The following NPTN variants were observed in gnomAD, a reference collection of about 807,000 sequenced individuals.
NPTN encodes the protein neuroplastin.
Under a neutral mutation model 42.7 loss-of-function variants are expected in NPTN, and 5 were observed. The observed-to-expected ratio is 0.12, with a 90% CI of 0.06 to 0.25. The LOEUF is 0.25. Ranked by LOEUF, NPTN falls within the 10% of genes least tolerant of loss-of-function variation. The pLI, the probability that NPTN is intolerant of heterozygous loss-of-function variation, is 1.00. For synonymous variants in NPTN, 180 were observed against 201.9 expected (o/e 0.89, Z 0.92); for missense variants, 307 against 525.4 (o/e 0.58, Z 4.06).
chr15:73,565,954 G>C (rs1201268182), intron 6 of NPTN, among the ~76,000 whole-genome samples: 1 of 152,184 alleles, frequency 6.6e-6, no homozygotes, highest in African/African-American at 2.4e-5. Context: ...TCCGAATAAT[G>C]AAGAGTTGAC....
chr15:73,578,722 A>AGTGGCTCACACT (rs1382839992), intron 4 of NPTN, among the ~76,000 whole-genome samples: 2 of 152,172 alleles, frequency 1.3e-5, no homozygotes, highest in African/African-American at 4.8e-5. Flanking sequence ...GGCTAGGTGC[A>AGTGGCTCACACT]GTGGCTCACA....
rs778363530 is a variant in NPTN at position 73,633,249 on chromosome 15, C to G, written c.-34G>C. The G allele has an allele frequency of 4.1e-6, 3 of 728,308 alleles. No individual in the cohort carries two copies. The highest frequency in any genetic ancestry group is 2.0e-5 in the African/African-American group (1 of 51,198). 45.1% of individuals were successfully genotyped at this position (728,308 alleles called of 1,614,324 possible). On this transcript the variant is annotated 5_prime_UTR_variant, in exon 1 of 9. Transcript: ENST00000345330. ...GCAGAAGACCCAACAGCGAATGGGCCGGGGCCAGAGCCGGGGCCGGGGAAG... is the reference window on the plus strand; with the variant it reads ...GCAGAAGACCCAACAGCGAATGGGCGGGGGCCAGAGCCGGGGCCGGGGAAG...
intron 1 of NPTN, among the ~76,000 whole-genome samples, chr15:73,621,268 T>G (rs1898127209): frequency 6.6e-6 from 1 of 152,204 alleles, no homozygotes; most frequent in Non-Finnish European, 1.5e-5. Flanking sequence ...AATAATTAAT[T>G]CAATGAAAAG....
At chr15:73,624,643 A>G (rs910982843) in intron 1 of NPTN, among the ~76,000 whole-genome samples, 5 of 151,994 alleles carry the variant, frequency 3.3e-5, no homozygotes, top group East Asian at 1.9e-4. Context: ...GATCTTAAAC[A>G]TGAACGGCAG....
intron 1 of NPTN, among the ~76,000 whole-genome samples, chr15:73,625,940 C>T (rs535236222): frequency 2.6e-5 from 4 of 152,220 alleles, no homozygotes; most frequent in African/African-American, 4.8e-5. Context: ...ATGTTTACAA[C>T]TTGAGACCTT....
At chr15:73,567,182 A>T in intron 6 of NPTN, 1 of 985,124 alleles carries the variant, frequency 1.0e-6, no homozygotes. Context: ...TAAGGGGATG[A>T]GTTACCAAGA....
At chr15:73,606,881 T>C (rs1363088085) in intron 1 of NPTN, among the ~76,000 whole-genome samples, 1 of 152,130 alleles carries the variant, frequency 6.6e-6, no homozygotes, top group Non-Finnish European at 1.5e-5. Flanking sequence ...TAAAATTCAG[T>C]TTTAGCAAAG....
intron 1 of NPTN, among the ~76,000 whole-genome samples, chr15:73,610,216 A>G (rs905907200): frequency 3.9e-5 from 6 of 152,112 alleles, no homozygotes; most frequent in African/African-American, 1.4e-4. Context: ...CCTCTAGAGT[A>G]GCTAGGACTA....
In NPTN at chr15:73,569,599, C is replaced by T. The variant is rs773018536; in HGVS notation, c.1114+551G>A. ...GCTGGAAACCTATCAAAGGGACCAA[C>T]CAAGGAACCAAAAGCTGGCTTGTTC... On this transcript the variant is annotated intron_variant, in intron 6 of 8. Coordinates refer to ENST00000345330, the MANE Select transcript of NPTN (RefSeq NM_012428.4). The surrounding 1 kb of genome is among the most constrained non-coding windows in gnomAD (Gnocchi z 4.1). The T allele has an allele frequency of 2.0e-5, 20 of 985,464 alleles. No homozygotes were observed. Among genetic ancestry groups the T allele is most frequent in the Non-Finnish European group, 2.3e-5 (19 of 829,930 alleles). The allele number at this position is 985,464 out of a possible 1,614,324, so 61.0% of individuals were successfully genotyped here.
intron 1 of NPTN, among the ~76,000 whole-genome samples, chr15:73,630,612 T>C (rs1898685861): frequency 6.6e-6 from 1 of 152,242 alleles, no homozygotes; most frequent in Admixed American, 6.5e-5. Flanking sequence ...TTAGGAATAA[T>C]GAAACAAATG....
At chr15:73,582,320 G>C (rs1896090565) in intron 4 of NPTN, among the ~76,000 whole-genome samples, 1 of 152,128 alleles carries the variant, frequency 6.6e-6, no homozygotes, top group Non-Finnish European at 1.5e-5. Flanking sequence ...CTTTGTGGTG[G>C]ACAAAATGAA....
chr15:73,599,270 C>T (rs1896968463), intron 1 of NPTN, among the ~76,000 whole-genome samples: 1 of 152,116 alleles, frequency 6.6e-6, no homozygotes, highest in South Asian at 2.1e-4. Context: ...CTCGGTCTCA[C>T]AAACTACCAC....
chr15:73,615,649 T>C (rs771426437), intron 1 of NPTN, among the ~76,000 whole-genome samples: 10 of 152,218 alleles, frequency 6.6e-5, no homozygotes, highest in Non-Finnish European at 1.5e-4. Flanking sequence ...CAGGCCTTTA[T>C]CACTACACTT....
intron 1 of NPTN, among the ~76,000 whole-genome samples, chr15:73,599,766 T>A (rs187680330): frequency 2.0e-5 from 3 of 152,292 alleles, no homozygotes; most frequent in Non-Finnish European, 1.5e-5. Flanking sequence ...TATTATTCTG[T>A]TTTAATCATA....
At chr15:73,602,395 T>C (rs1231812807) in intron 1 of NPTN, among the ~76,000 whole-genome samples, 3 of 152,220 alleles carry the variant, frequency 2.0e-5, no homozygotes, top group Non-Finnish European at 4.4e-5. Flanking sequence ...ATAAGAGCGT[T>C]TCTCTCCTCT....
intron 4 of NPTN, among the ~76,000 whole-genome samples, chr15:73,576,141 G>A (rs1009672708): frequency 2.0e-5 from 3 of 152,136 alleles, no homozygotes; most frequent in African/African-American, 4.8e-5. Context: ...CAGCATGCCC[G>A]AAGGGTTACC....
At chr15:73,593,281 T>A (rs932439796) in intron 2 of NPTN, among the ~76,000 whole-genome samples, 1 of 152,256 alleles carries the variant, frequency 6.6e-6, no homozygotes, top group South Asian at 2.1e-4. Context: ...TTTGTTGTCT[T>A]TTGTTAATGT....
At chr15:73,613,196 G>A (rs940606839) in intron 1 of NPTN, among the ~76,000 whole-genome samples, 5 of 152,098 alleles carry the variant, frequency 3.3e-5, no homozygotes, top group Admixed American at 1.3e-4. Flanking sequence ...CCAAAACCTG[G>A]AGCAATAATT....
In NPTN at chr15:73,633,258, A is replaced by AGCCGGG. The variant is rs758009117; in HGVS notation, c.-49_-44dup. The AGCCGGG allele has an allele frequency of 1.1e-5, 10 of 911,592 alleles. No homozygotes were observed. In the East Asian group the frequency reaches 2.9e-4, roughly 27 times the overall value. 56.5% of individuals were successfully genotyped at this position (911,592 alleles called of 1,614,324 possible). ...CCAACAGCGAATGGGCCGGGGCCAG[A>AGCCGGG]GCCGGGGCCGGGGAAGGGAGGGGAG... On this transcript the variant is annotated 5_prime_UTR_variant, in exon 1 of 9. Coordinates refer to ENST00000345330, the MANE Select transcript of NPTN (RefSeq NM_012428.4).
Sources: gnomAD v4.1 joint callset for allele counts (sites outside exome capture counted in the v4.1 genomes callset) on GRCh38, gnomAD v4.1.1 for gene constraint, Gnocchi (gnomAD v3.1) non-coding constraint, MANE v1.5 for transcripts, NCBI Gene and HGNC (gene_info 2026-07-23, HGNC 2026-07-21) for gene names.